Variants in SBF2 observed in about 807,000 individuals in gnomAD.
SBF2 encodes the protein myotubularin-related protein 13.
SBF2 carries 112 observed loss-of-function variants against 225.2 expected under a neutral mutation model. The ratio of observed to expected loss-of-function variants is 0.50; its 90% CI spans 0.43 to 0.58. SBF2 has a LOEUF of 0.58. SBF2 is among the 20% of genes least tolerant of loss of function. The pLI is 0.00. For synonymous variants in SBF2, 763 were observed against 773.3 expected, an observed-to-expected ratio of 0.99 and a Z score of 0.22; for missense variants, 1,996 against 2,206.2, an observed-to-expected ratio of 0.90 and a Z score of 1.91.
chr11:10,025,287 T>C (rs11042592), intron 6 of SBF2, among the ~76,000 whole-genome samples: 4,394 of 152,254 alleles, frequency 0.029, 295 homozygotes, highest in East Asian at 0.18. Flanking sequence ...TTTCAAGCTG[T>C]ATTGTAATTC....
At chr11:10,017,611 C>T (rs187679727) in intron 6 of SBF2, among the ~76,000 whole-genome samples, 43 of 152,262 alleles carry the variant, frequency 2.8e-4, no homozygotes, top group Non-Finnish European at 5.0e-4. Context: ...ATTATTTCCA[C>T]ATATGATAGA....
At chr11:9,932,815 A>C (rs1864590886) in intron 16 of SBF2, among the ~76,000 whole-genome samples, 1 of 152,130 alleles carries the variant, frequency 6.6e-6, no homozygotes, top group South Asian at 2.1e-4. Context: ...TAAATGCCCC[A>C]ATTAAAAGAT....
intron 2 of SBF2, among the ~76,000 whole-genome samples, chr11:10,050,586 T>C (rs912836794): frequency 6.6e-6 from 1 of 152,162 alleles, no homozygotes; most frequent in African/African-American, 2.4e-5. Context: ...TCTCTCAAAA[T>C]GTATTATTGT....
chr11:10,172,154 G>C (rs1401456416), intron 2 of SBF2, among the ~76,000 whole-genome samples: 1 of 151,698 alleles, frequency 6.6e-6, no homozygotes, highest in Non-Finnish European at 1.5e-5. Flanking sequence ...ATCTTTATTA[G>C]TTTCTTTTCT....
At chr11:9,845,807 A>G in intron 23 of SBF2, 67 bp from the exon 24 acceptor site, 1 of 1,439,698 alleles carries the variant, frequency 6.9e-7, no homozygotes, top group Non-Finnish European at 9.8e-7. Context: ...CCCCCAAACA[A>G]CAGAATATAA....
intron 16 of SBF2, among the ~76,000 whole-genome samples, chr11:9,930,158 T>TA (rs1411483799): frequency 1.3e-5 from 2 of 152,060 alleles, no homozygotes; most frequent in East Asian, 1.9e-4. Flanking sequence ...TAAAGAATTT[T>TA]AAAAAAAGTA....
chr11:9,971,436 T>C (rs1867320597), intron 13 of SBF2, among the ~76,000 whole-genome samples: 1 of 152,128 alleles, frequency 6.6e-6, no homozygotes, highest in African/African-American at 2.4e-5. Context: ...CTCAGCACTT[T>C]GGGAGTTCGG....
chr11:10,074,646 C>G (rs1951026471), intron 2 of SBF2, among the ~76,000 whole-genome samples: 1 of 152,102 alleles, frequency 6.6e-6, no homozygotes, highest in South Asian at 2.1e-4. Flanking sequence ...AACTCCATTA[C>G]CTATCTCTGT....
At chr11:10,170,613 T>C (rs1282161930) in intron 2 of SBF2, among the ~76,000 whole-genome samples, 2 of 152,116 alleles carry the variant, frequency 1.3e-5, no homozygotes, top group Non-Finnish European at 2.9e-5. Flanking sequence ...TTGCTCAGGA[T>C]AGCTTTGGCT....
chr11:10,102,011 C>T lies in SBF2; in HGVS notation c.142-59030G>A, dbSNP rs2134972483. Among the ~76,000 whole-genome samples the T allele has an allele frequency of 1.3e-5, 2 of 152,150 alleles. 1 individual carries two copies. The highest frequency in any genetic ancestry group is 4.8e-5 in the African/African-American group (2 of 41,486). ...AACCTTGTGACCATGTGGTGATACTCTCTCTTGGTTTCCACCATCCAGAAG... is the reference window on the plus strand; with the variant it reads ...AACCTTGTGACCATGTGGTGATACTTTCTCTTGGTTTCCACCATCCAGAAG... On this transcript the variant is annotated intron_variant, in intron 2 of 39. Coordinates refer to ENST00000256190, the MANE Select transcript of SBF2 (RefSeq NM_030962.4).
At chr11:9,877,523 T>C (rs1453885222) in intron 17 of SBF2, among the ~76,000 whole-genome samples, 2 of 152,158 alleles carry the variant, frequency 1.3e-5, no homozygotes, top group East Asian at 1.9e-4. Flanking sequence ...ATCAGGTATT[T>C]CTCCTAATGC....
chr11:10,068,243 A>T (rs539102515), intron 2 of SBF2, among the ~76,000 whole-genome samples: 8 of 152,328 alleles, frequency 5.3e-5, no homozygotes, highest in African/African-American at 1.9e-4. Flanking sequence ...GTGATTTTTT[A>T]AAATAAATCA....
At chr11:10,101,696 T>C (rs1167542091) in intron 2 of SBF2, among the ~76,000 whole-genome samples, 2 of 150,948 alleles carry the variant, frequency 1.3e-5, no homozygotes, top group African/African-American at 4.9e-5. Flanking sequence ...TGTGTGTACA[T>C]GGTAAATGTC....
rs116862949 is a variant in SBF2 at position 10,280,261 on chromosome 11, T to C, written c.55+13754A>G. On this transcript the variant is annotated intron_variant, in intron 1 of 39. Transcript: ENST00000256190. Reference sequence around the variant, plus strand: ...TTTAGTTTCCAAAGTACATACTCTTTAGAAGGGATGACTAAGAGCTGGACT... The same window carrying C: ...TTTAGTTTCCAAAGTACATACTCTTCAGAAGGGATGACTAAGAGCTGGACT... Among the ~76,000 whole-genome samples the C allele has an allele frequency of 9.4e-3, 1,436 of 152,284 alleles. 8 individuals carry two copies. The highest frequency in any genetic ancestry group is 0.024 in the Middle Eastern group (7 of 294).
intron 1 of SBF2, among the ~76,000 whole-genome samples, chr11:10,204,602 G>A (rs1379240919): frequency 6.6e-6 from 1 of 150,776 alleles, no homozygotes; most frequent in Non-Finnish European, 1.5e-5. Context: ...AGGTTGCAGT[G>A]AGCCAAGATC....
intron 2 of SBF2, among the ~76,000 whole-genome samples, chr11:10,063,858 C>CACACAGAGAGAGAGAGAGAGAGAGAG (rs373423157): frequency 4.4e-5 from 6 of 136,168 alleles, no homozygotes; most frequent in Non-Finnish European, 6.3e-5. Flanking sequence ...CACACACACA[C>CACACAGAGAGAGAGAGAGAGAGAGAG]AGAGAGAGAG....
At chr11:10,216,627 T>C (rs902317362) in intron 1 of SBF2, among the ~76,000 whole-genome samples, 2 of 152,136 alleles carry the variant, frequency 1.3e-5, no homozygotes, top group Non-Finnish European at 2.9e-5. Context: ...CCCAGCACTG[T>C]GGGAGGCCAA....
chr11:9,898,260 G>T (rs1359227271), intron 16 of SBF2, among the ~76,000 whole-genome samples: 20 of 152,200 alleles, frequency 1.3e-4, no homozygotes, highest in Admixed American at 1.3e-3. Context: ...TCTAGCCTGA[G>T]TGCTTTTGGT....
At chr11:10,183,317 A>C (rs1364404115) in intron 2 of SBF2, among the ~76,000 whole-genome samples, 1 of 152,180 alleles carries the variant, frequency 6.6e-6, no homozygotes, top group East Asian at 1.9e-4. Flanking sequence ...TAGAAGGCCC[A>C]AGTAGCATCC....
Sources: gnomAD v4.1 joint callset for allele counts (sites outside exome capture counted in the v4.1 genomes callset) on GRCh38, gnomAD v4.1.1 for gene constraint, MANE v1.5 for transcripts, NCBI Gene and HGNC (gene_info 2026-07-23, HGNC 2026-07-21) for gene names.